PTPRT: variants seen among roughly 807,000 people sequenced by gnomAD.
PTPRT encodes the protein protein tyrosine phosphatase receptor type T, also known as receptor-type tyrosine-protein phosphatase T.
PTPRT carries 56 observed loss-of-function variants against 176.8 expected under a neutral mutation model. The ratio of observed to expected loss-of-function variants is 0.32; its 90% CI spans 0.26 to 0.40. PTPRT has a LOEUF of 0.40. Among genes scored for constraint, PTPRT ranks in the 10% least tolerant of loss-of-function variants. The pLI is 1.00. For synonymous variants in PTPRT, 783 were observed against 739.0 expected (o/e 1.06, Z -0.96); for missense variants, 1,540 against 1,908.2 (o/e 0.81, Z 3.60).
intron 30 of PTPRT, among the ~76,000 whole-genome samples, chr20:42,081,150 A>G (rs1983287610): frequency 6.6e-6 from 1 of 152,140 alleles, no homozygotes; most frequent in African/African-American, 2.4e-5. Flanking sequence ...CCCAGCTGGC[A>G]TCATTCCCTT....
chr20:42,749,624 G>C lies in PTPRT; in HGVS notation c.859+6838C>G, dbSNP rs563125411. On this transcript the variant is annotated intron_variant, in intron 6 of 30. Coordinates refer to ENST00000373187, the MANE Select transcript of PTPRT (RefSeq NM_007050.6). ...AAAGGTGGTTGCTAACAGCACCTAC[G>C]TCATAGGGCCATTGTTAGGATTAGG... Among the ~76,000 whole-genome samples the C allele has an allele frequency of 3.9e-4, 59 of 152,304 alleles. 1 individual carries two copies. The highest frequency in any genetic ancestry group is 6.0e-4 in the African/African-American group (25 of 41,558).
At chr20:42,437,460 C>T (rs922691249) in intron 9 of PTPRT, among the ~76,000 whole-genome samples, 2 of 152,122 alleles carry the variant, frequency 1.3e-5, no homozygotes, top group African/African-American at 4.8e-5. Flanking sequence ...TGACGTGCAG[C>T]GATACACACG....
At chr20:42,106,970 G>A (rs1032189596) in intron 23 of PTPRT, 49 bp from the exon 24 acceptor site, 4 of 1,593,764 alleles carry the variant, frequency 2.5e-6, no homozygotes, top group Non-Finnish European at 1.7e-6. Context: ...GGGGGAACCT[G>A]CCCTGGGGAG....
intron 16 of PTPRT, among the ~76,000 whole-genome samples, chr20:42,175,654 G>GT (rs1291102422): frequency 6.7e-6 from 1 of 148,552 alleles, no homozygotes; most frequent in Admixed American, 6.9e-5. Context: ...AGATTTCTGT[G>GT]TTTTTTTGCA....
chr20:42,929,849 C>T (rs1366877958), intron 1 of PTPRT, among the ~76,000 whole-genome samples: 3 of 152,254 alleles, frequency 2.0e-5, no homozygotes, highest in Non-Finnish European at 4.4e-5. Context: ...TAAGGATTAG[C>T]AGTTGCCATG....
At chr20:42,442,090 G>A (rs1023749342) in intron 9 of PTPRT, among the ~76,000 whole-genome samples, 2 of 152,190 alleles carry the variant, frequency 1.3e-5, no homozygotes, top group African/African-American at 4.8e-5. Context: ...CTGAGGGATG[G>A]GAGGAGGCAT....
intron 6 of PTPRT, among the ~76,000 whole-genome samples, chr20:42,719,832 G>A (rs1395302152): frequency 6.6e-6 from 1 of 152,098 alleles, no homozygotes; most frequent in Non-Finnish European, 1.5e-5. Context: ...GCAGCCCCAC[G>A]TCCCCAGGTA....
intron 7 of PTPRT, among the ~76,000 whole-genome samples, chr20:42,611,463 C>A (rs1294298489): frequency 1.3e-5 from 2 of 152,176 alleles, no homozygotes; most frequent in Admixed American, 6.5e-5. Flanking sequence ...AATAGTGAGG[C>A]TCCAAGAGGT....
chr20:43,187,178 T>A (rs78318284), intron 1 of PTPRT, among the ~76,000 whole-genome samples: 3 of 152,206 alleles, frequency 2.0e-5, no homozygotes, highest in Non-Finnish European at 4.4e-5. Flanking sequence ...CAAAACATAT[T>A]AGCCCAACTA....
At chr20:42,094,279 C>T (rs1220836289) in intron 27 of PTPRT, among the ~76,000 whole-genome samples, 4 of 152,138 alleles carry the variant, frequency 2.6e-5, no homozygotes, top group African/African-American at 7.2e-5. Flanking sequence ...CAGCCAAAAG[C>T]GTAGGGTGGT....
chr20:42,522,222 G>T (rs1369195234), intron 7 of PTPRT, among the ~76,000 whole-genome samples: 1 of 148,976 alleles, frequency 6.7e-6, no homozygotes, highest in African/African-American at 2.5e-5. Flanking sequence ...AGGCACTAGT[G>T]GTTGTGTGAA....
intron 1 of PTPRT, among the ~76,000 whole-genome samples, chr20:43,178,366 G>A: frequency 6.6e-6 from 1 of 152,194 alleles, no homozygotes; most frequent in Non-Finnish European, 1.5e-5. Flanking sequence ...CACCCACCCC[G>A]CAACCCTGAT....
chr20:43,151,354 T>C (rs1349754216), intron 1 of PTPRT, among the ~76,000 whole-genome samples: 2 of 99,988 alleles, frequency 2.0e-5, no homozygotes, highest in East Asian at 5.2e-4. Context: ...CTCCATGGCA[T>C]AGGAACAGAA....
At chr20:42,770,433 T>C (rs1017302160) in intron 5 of PTPRT, among the ~76,000 whole-genome samples, 1 of 152,232 alleles carries the variant, frequency 6.6e-6, no homozygotes, top group Non-Finnish European at 1.5e-5. Context: ...AGTATGCTAA[T>C]GTTATAACAA....
At chr20:42,776,298 A>T (rs959423227) in intron 4 of PTPRT, among the ~76,000 whole-genome samples, 4 of 152,246 alleles carry the variant, frequency 2.6e-5, no homozygotes, top group African/African-American at 9.6e-5. Flanking sequence ...TTGATATATG[A>T]CCCCAACCCC....
chr20:43,080,438 T>A (rs186419315), intron 1 of PTPRT, among the ~76,000 whole-genome samples: 1 of 152,354 alleles, frequency 6.6e-6, no homozygotes, highest in East Asian at 1.9e-4. Flanking sequence ...CTGACTGATA[T>A]ACAACCTATT....
Position 42,569,047 on chromosome 20 carries a change from C to CAAA in PTPRT, c.1154-96488_1154-96486dup, listed in dbSNP as rs869193461. 2.4e-4 allele frequency among the ~76,000 whole-genome samples: 5 copies of CAAA among 20,446 alleles called. 1 individual carries two copies. The Admixed American group carries it at 3.9e-3, about 16-fold the overall frequency. The allele number at this position is 20,446 out of a possible 152,430, so 13.4% of individuals were successfully genotyped here. On this transcript the variant is annotated intron_variant, in intron 7 of 30. Transcript: ENST00000373187. ...TGGGCGACAGAGCAAGACTCCATCT[C>CAAA]AAAAAAAAAAAAAAAAAAAAAAAAA...
At chr20:42,957,772 CATTA>C (rs1214883501) in intron 1 of PTPRT, among the ~76,000 whole-genome samples, 2 of 152,132 alleles carry the variant, frequency 1.3e-5, no homozygotes, top group African/African-American at 4.8e-5. Flanking sequence ...TTTTCTTTCT[CATTA>C]ATTAATTTTT....
intron 6 of PTPRT, among the ~76,000 whole-genome samples, chr20:42,725,994 A>G (rs1169427169): frequency 5.3e-5 from 8 of 151,944 alleles, no homozygotes; most frequent in Admixed American, 4.6e-4. Context: ...TCATACCAGC[A>G]AAATCCCTTC....
Sources: gnomAD v4.1 joint callset for allele counts (sites outside exome capture counted in the v4.1 genomes callset) on GRCh38, gnomAD v4.1.1 for gene constraint, MANE v1.5 for transcripts, NCBI Gene and HGNC (gene_info 2026-07-23, HGNC 2026-07-21) for gene names.